Variants in PARD3B observed in about 807,000 individuals in gnomAD.
PARD3B encodes par-3 family cell polarity regulator beta.
A neutral mutation model predicts 130.2 loss-of-function variants in PARD3B; 103 were observed. The observed-to-expected ratio is 0.79, with a 90% CI of 0.67 to 0.93. The LOEUF (loss-of-function observed/expected upper bound fraction) is 0.93. Ranked by LOEUF, PARD3B falls within the 40% of genes least tolerant of loss-of-function variation. The pLI is 0.00. For missense variants in PARD3B, 1,609 were observed against 1,499.2 expected, an observed-to-expected ratio of 1.07 and a Z score of -1.21; for synonymous variants, 583 against 553.2, an observed-to-expected ratio of 1.05 and a Z score of -0.76.
intron 22 of PARD3B, among the ~76,000 whole-genome samples, chr2:205,583,418 TGAGAGAGAGA>T (rs60619288): frequency 6.6e-6 from 1 of 151,496 alleles, no homozygotes; most frequent in Non-Finnish European, 1.5e-5. Flanking sequence ...CACGCGCGTG[TGAGAGAGAGA>T]GAGAGAGATG....
intron 4 of PARD3B, among the ~76,000 whole-genome samples, chr2:205,067,549 T>G (rs902916641): frequency 6.6e-6 from 1 of 152,158 alleles, no homozygotes; most frequent in Non-Finnish European, 1.5e-5. Context: ...TTTATTATTA[T>G]AGTGTATATG....
chr2:204,753,426 C>T (rs1428816955), intron 2 of PARD3B, among the ~76,000 whole-genome samples: 1 of 152,058 alleles, frequency 6.6e-6, no homozygotes, highest in Non-Finnish European at 1.5e-5. Flanking sequence ...AAAAATACTG[C>T]AGGTATTATA....
intron 14 of PARD3B, among the ~76,000 whole-genome samples, chr2:205,190,779 G>A (rs1182163020): frequency 2.0e-5 from 3 of 152,136 alleles, no homozygotes; most frequent in Non-Finnish European, 2.9e-5. Flanking sequence ...ATCAAAGGAT[G>A]GAAAACTTAA....
intron 1 of PARD3B, among the ~76,000 whole-genome samples, chr2:204,577,511 C>T (rs1177833765): frequency 6.6e-6 from 1 of 152,160 alleles, no homozygotes; most frequent in African/African-American, 2.4e-5. Context: ...GGGTCTTCTG[C>T]TTCAGTACTT....
At chr2:205,090,245 G>C (rs938915712) in intron 4 of PARD3B, among the ~76,000 whole-genome samples, 1 of 152,174 alleles carries the variant, frequency 6.6e-6, no homozygotes, top group Non-Finnish European at 1.5e-5. Context: ...TGTAACTGGA[G>C]TGAAATGAAA....
chr2:205,374,180 G>GAA (rs58332160), intron 18 of PARD3B, among the ~76,000 whole-genome samples: 6,047 of 143,310 alleles, frequency 0.042, 335 homozygotes, highest in African/African-American at 0.13. Context: ...GAGGAAAAAT[G>GAA]AAAAAAAAAA....
intron 3 of PARD3B, among the ~76,000 whole-genome samples, chr2:204,970,187 A>G (rs1691578727): frequency 6.6e-6 from 1 of 152,172 alleles, no homozygotes; most frequent in Non-Finnish European, 1.5e-5. Context: ...CTACTGTTCC[A>G]TAAGAGGCTT....
In PARD3B at chr2:205,128,901, CTGTA is replaced by C. The variant is rs1481983082; in HGVS notation, c.1434+3168_1434+3171del. ...CCAGTCAAATTGATAAGGGAGGCAGCTGTATGTGTTATTTCACTCTCATTTAATG... is the reference window on the plus strand; with the variant it reads ...CCAGTCAAATTGATAAGGGAGGCAGCTGTGTTATTTCACTCTCATTTAATG... On this transcript the variant is annotated intron_variant, in intron 10 of 22. Transcript: ENST00000406610. This position sits in a 1 kb window ranked among gnomAD's most constrained non-coding sequence, Gnocchi z 4.5. Among the ~76,000 whole-genome samples the C allele has an allele frequency of 2.6e-5, 4 of 152,004 alleles. No homozygotes were observed. In the East Asian group the frequency reaches 5.8e-4, roughly 22 times the overall value.
intron 2 of PARD3B, among the ~76,000 whole-genome samples, chr2:204,936,815 A>G (rs948497003): frequency 2.6e-5 from 4 of 152,246 alleles, no homozygotes; most frequent in African/African-American, 7.2e-5. Context: ...TAAAATAGTG[A>G]ATCTTTAAAA....
intron 18 of PARD3B, among the ~76,000 whole-genome samples, chr2:205,335,642 GA>G (rs35633269): frequency 0.57 from 84,656 of 149,538 alleles, 27,289 homozygotes; most frequent in South Asian, 0.76. Flanking sequence ...CAAGACTGGG[GA>G]AAAAAAAAAA....
intron 22 of PARD3B, among the ~76,000 whole-genome samples, chr2:205,559,889 G>A (rs756340801): frequency 3.1e-4 from 47 of 152,048 alleles, no homozygotes; most frequent in South Asian, 1.0e-3. Context: ...GTGAGCCACC[G>A]CACCCAGCCC....
chr2:204,781,211 T>C lies in PARD3B; in HGVS notation c.222+94929T>C, dbSNP rs372188465. Among the ~76,000 whole-genome samples, 15 of 152,288 alleles carry C rather than the reference T, an allele frequency of 9.8e-5. No individual in the cohort carries two copies. In the East Asian group the frequency reaches 1.2e-3, roughly 12 times the overall value. On this transcript the variant is annotated intron_variant, in intron 2 of 22. Coordinates refer to ENST00000406610, the MANE Select transcript of PARD3B (RefSeq NM_001302769.2). ...TGCATGTTTGCTTTCAAGGAGAATA[T>C]AGTGACAAAAATTTTAATCTGCCTT...
intron 2 of PARD3B, among the ~76,000 whole-genome samples, chr2:204,953,590 A>G (rs529054260): frequency 1.3e-5 from 2 of 152,286 alleles, no homozygotes; most frequent in Admixed American, 1.3e-4. Flanking sequence ...TTATATCATC[A>G]TATCTTGCCC....
intron 2 of PARD3B, among the ~76,000 whole-genome samples, chr2:204,756,655 A>C (rs2040686933): frequency 6.6e-6 from 1 of 152,152 alleles, no homozygotes; most frequent in Non-Finnish European, 1.5e-5. Context: ...CAACTCTCTG[A>C]GAGAGGCACG....
At chr2:204,560,667 T>C (rs1402331403) in intron 1 of PARD3B, among the ~76,000 whole-genome samples, 8 of 152,066 alleles carry the variant, frequency 5.3e-5, no homozygotes, top group Non-Finnish European at 7.4e-5. Context: ...GATAGAATTG[T>C]GGGAAGTTTC....
At chr2:204,583,606 C>A (rs2032683615) in intron 1 of PARD3B, among the ~76,000 whole-genome samples, 1 of 135,766 alleles carries the variant, frequency 7.4e-6, no homozygotes, top group Admixed American at 7.3e-5. Context: ...GCACATGTAC[C>A]CTAAAACTTA....
chr2:204,708,807 G>A (rs569461279), intron 2 of PARD3B, among the ~76,000 whole-genome samples: 3 of 151,832 alleles, frequency 2.0e-5, no homozygotes, highest in Admixed American at 1.3e-4. Context: ...TTTCCTGGTG[G>A]CATTTTTTTC....
At chr2:205,480,267 A>G (rs2049183144) in intron 20 of PARD3B, among the ~76,000 whole-genome samples, 2 of 152,136 alleles carry the variant, frequency 1.3e-5, no homozygotes, top group African/African-American at 4.8e-5. Flanking sequence ...CTTTGGCTCT[A>G]GCTGTTTTCT....
At chr2:204,590,604 C>T (rs1305289862) in intron 1 of PARD3B, among the ~76,000 whole-genome samples, 1 of 152,090 alleles carries the variant, frequency 6.6e-6, no homozygotes, top group Admixed American at 6.5e-5. Context: ...ATGAGAAGGA[C>T]CTCTTTGTCT....
Sources: allele counts gnomAD v4.1 joint callset (sites outside exome capture counted in the v4.1 genomes callset), GRCh38; gene constraint gnomAD v4.1.1; non-coding constraint Gnocchi (gnomAD v3.1); transcripts MANE v1.5; gene names NCBI Gene and HGNC (gene_info 2026-07-23, HGNC 2026-07-21).